The following RGL1 variants were observed in gnomAD, a reference collection of about 807,000 sequenced individuals.
The protein encoded by RGL1 is ral guanine nucleotide dissociation stimulator like 1.
In RGL1, 24 loss-of-function variants were observed where a neutral mutation model predicts 95.2. The ratio of observed to expected loss-of-function variants is 0.25; its 90% CI spans 0.18 to 0.35. The LOEUF (loss-of-function observed/expected upper bound fraction) is 0.35, where lower values mean the gene tolerates loss of function less well. RGL1 is among the 10% of genes least tolerant of loss of function. RGL1 has a pLI of 1.00. For missense variants in RGL1, 715 were observed against 936.3 expected, an observed-to-expected ratio of 0.76 and a Z score of 3.08; for synonymous variants, 329 against 344.9, an observed-to-expected ratio of 0.95 and a Z score of 0.51.
At position 183,858,886 on chromosome 1, in the gene RGL1, TA is replaced by T. The variant is rs1449587534; in HGVS notation, c.348-7107del. ...TGAAAATGAAAGGATGCCATGATACTAAACTCATATTCATTGTATTTGATGT... is the reference window on the plus strand; with the variant it reads ...TGAAAATGAAAGGATGCCATGATACTAACTCATATTCATTGTATTTGATGT... On this transcript the variant is annotated intron_variant, in intron 3 of 17. Transcript: ENST00000360851. Among the ~76,000 whole-genome samples, 18 of 152,232 alleles carry T rather than the reference TA, an allele frequency of 1.2e-4. 1 individual carries two copies. Among genetic ancestry groups the T allele is most frequent in the Admixed American group, 1.1e-3 (17 of 15,278 alleles).
intron 1 of RGL1, among the ~76,000 whole-genome samples, chr1:183,702,993 A>G (rs1005709864): frequency 6.6e-6 from 1 of 152,058 alleles, no homozygotes; most frequent in Admixed American, 6.6e-5. Context: ...GGACAGCAGT[A>G]CCTCTCTCGG....
At chr1:183,680,435 G>A (rs1033712793) in intron 1 of RGL1, among the ~76,000 whole-genome samples, 7 of 152,154 alleles carry the variant, frequency 4.6e-5, no homozygotes, top group Admixed American at 4.6e-4. Flanking sequence ...TCTACATATG[G>A]CTAGCCAGTT....
At chr1:183,799,719 A>G (rs1273053991) in intron 2 of RGL1, among the ~76,000 whole-genome samples, 1 of 152,194 alleles carries the variant, frequency 6.6e-6, no homozygotes, top group Non-Finnish European at 1.5e-5. Flanking sequence ...TATCAGATAT[A>G]TGGTTTGTAA....
chr1:183,750,056 G>A (rs567391941), intron 2 of RGL1, among the ~76,000 whole-genome samples: 1 of 152,224 alleles, frequency 6.6e-6, no homozygotes, highest in Non-Finnish European at 1.5e-5. Context: ...CTCCTCTTGA[G>A]GAGCATCTTA....
chr1:183,639,081 A>G (rs1572206539), intron 1 of RGL1, among the ~76,000 whole-genome samples: 1 of 152,188 alleles, frequency 6.6e-6, no homozygotes, highest in Admixed American at 6.5e-5. Flanking sequence ...GGAGTTCAAG[A>G]CCAGCCTAGC....
intron 2 of RGL1, among the ~76,000 whole-genome samples, chr1:183,743,627 G>A (rs914727135): frequency 6.6e-6 from 1 of 152,158 alleles, no homozygotes; most frequent in Non-Finnish European, 1.5e-5. Flanking sequence ...AAAGAAAATG[G>A]CAATTCCTTA....
chr1:183,709,743 T>C (rs1163197279), intron 1 of RGL1: 1 of 215,058 alleles, frequency 4.6e-6, no homozygotes, highest in Admixed American at 4.1e-5. Context: ...TGGTGCTTAT[T>C]AAGGAGTTTG....
At chr1:183,741,008 G>A (rs1657264571) in intron 1 of RGL1, among the ~76,000 whole-genome samples, 2 of 152,136 alleles carry the variant, frequency 1.3e-5, no homozygotes, top group Non-Finnish European at 2.9e-5. Context: ...AAGGAGGGAG[G>A]CCTGTATTCT....
chr1:183,924,047 A>G (rs1414665813), intron 17 of RGL1, among the ~76,000 whole-genome samples: 1 of 152,122 alleles, frequency 6.6e-6, no homozygotes, highest in Non-Finnish European at 1.5e-5. Flanking sequence ...AATACTGTAT[A>G]CCTTCTTGTG....
chr1:183,713,170 C>T (rs1476585100), intron 1 of RGL1, among the ~76,000 whole-genome samples: 6 of 152,004 alleles, frequency 3.9e-5, no homozygotes, highest in East Asian at 1.9e-4. Flanking sequence ...AGATTACAGG[C>T]GTGTACCACA....
At position 183,888,569 on chromosome 1, in the gene RGL1, C is replaced by T. The variant is rs374260008; in HGVS notation, c.1047C>T (p.Ala349=). The change falls in exon 8 of 18, where the codon GCC becomes GCT. Residue 349 remains alanine (A), a synonymous_variant. Coordinates refer to ENST00000360851, the MANE Select transcript of RGL1 (RefSeq NM_001297671.3). Reference sequence around the variant, plus strand: ...ATCGGTTAAAAAAGACTTGGGCTGCCGTCCCAAGGTAAGTTCCCAAGTGTT... The same window carrying T: ...ATCGGTTAAAAAAGACTTGGGCTGCTGTCCCAAGGTAAGTTCCCAAGTGTT... ...SIYRLKKTWA[A]VPRDRMLMFE... is the part of the protein sequence containing the mutation. 68 of 1,607,552 alleles carry T rather than the reference C, an allele frequency of 4.2e-5. No individual in the cohort carries two copies. Among genetic ancestry groups the T allele is most frequent in the Middle Eastern group, 1.7e-4 (1 of 6,048 alleles).
chr1:183,662,708 CTACTT>C (rs1651731718), intron 1 of RGL1, among the ~76,000 whole-genome samples: 1 of 152,150 alleles, frequency 6.6e-6, no homozygotes, highest in African/African-American at 2.4e-5. Flanking sequence ...TTGGAAAAAA[CTACTT>C]TAAAGTTCAT....
At chr1:183,847,976 T>G (rs1664557907) in intron 3 of RGL1, among the ~76,000 whole-genome samples, 1 of 152,192 alleles carries the variant, frequency 6.6e-6, no homozygotes, top group Non-Finnish European at 1.5e-5. Flanking sequence ...AAATATCTCC[T>G]AAAAGATTTA....
intron 3 of RGL1, among the ~76,000 whole-genome samples, chr1:183,859,840 C>T (rs1665395386): frequency 6.6e-6 from 1 of 152,180 alleles, no homozygotes; most frequent in African/African-American, 2.4e-5. Flanking sequence ...GGTAACAAGA[C>T]CTTTCCAAGG....
intron 2 of RGL1, among the ~76,000 whole-genome samples, chr1:183,742,713 G>C (rs974277363): frequency 6.6e-6 from 1 of 151,830 alleles, no homozygotes; most frequent in South Asian, 2.1e-4. Context: ...ATTTGTGGGG[G>C]GTGTGTGTGT....
chr1:183,848,918 C>T (rs1205878172), intron 3 of RGL1, among the ~76,000 whole-genome samples: 3 of 152,150 alleles, frequency 2.0e-5, no homozygotes, highest in Non-Finnish European at 2.9e-5. Context: ...GTATTTTTCC[C>T]ACACTTTTGG....
chr1:183,887,390 G>A (rs1011139048), intron 7 of RGL1, among the ~76,000 whole-genome samples: 21 of 151,652 alleles, frequency 1.4e-4, no homozygotes, highest in African/African-American at 4.4e-4. Context: ...TTTTTCCTTC[G>A]TATTCAGGAT....
At chr1:183,903,240 T>G (rs1378370982) in intron 12 of RGL1, among the ~76,000 whole-genome samples, 5 of 152,070 alleles carry the variant, frequency 3.3e-5, no homozygotes, top group Admixed American at 6.5e-5. Context: ...TAAACTCTCG[T>G]GGGTATACTC....
rs929992793 is a variant in RGL1 at position 183,787,854 on chromosome 1, G to A, written c.133-18521G>A. ...AAAAAAAAGAGCCTGGCACCTCCCC[G>A]CTGTCTCTCTTGCTTCCTCTCTCAC... On this transcript the variant is annotated intron_variant, in intron 2 of 18. Transcript: ENST00000304685. 1.7e-4 allele frequency among the ~76,000 whole-genome samples: 25 copies of A among 150,692 alleles called. 1 individual carries two copies. Among genetic ancestry groups the A allele is most frequent in the Admixed American group, 1.3e-3 (20 of 15,094 alleles).
Sources: allele counts gnomAD v4.1 joint callset (sites outside exome capture counted in the v4.1 genomes callset), GRCh38; gene constraint gnomAD v4.1.1; transcripts MANE v1.5; gene names NCBI Gene and HGNC (gene_info 2026-07-23, HGNC 2026-07-21).